SHANK2: variants seen among roughly 807,000 people sequenced by gnomAD.
The protein encoded by SHANK2 is SH3 and multiple ankyrin repeat domains protein 2.
Under a neutral mutation model 133.7 loss-of-function variants are expected in SHANK2, and 43 were observed. That is an observed-to-expected ratio of 0.32 (90% confidence interval 0.25 to 0.41). The LOEUF is 0.41. Among genes scored for constraint, SHANK2 ranks in the 10% least tolerant of loss-of-function variants. SHANK2 has a pLI of 1.00. For missense variants in SHANK2, 1,994 were observed against 2,235.8 expected, an observed-to-expected ratio of 0.89 and a Z score of 2.18; for synonymous variants, 1,017 against 952.8, an observed-to-expected ratio of 1.07 and a Z score of -1.24.
At position 70,486,137 on chromosome 11, in the gene SHANK2, T is replaced by G. The variant is rs1555153291; in HGVS notation, c.4156A>C (p.Ile1386Leu). ...VAVGSMEEAV[I>L]LPFRIPPPPL... Reference sequence around the variant, plus strand: ...GGAGGAGGGATGCGGAATGGCAAAATCACCGCCTCTTCCATGGAGCCCACC... The same window carrying G: ...GGAGGAGGGATGCGGAATGGCAAAAGCACCGCCTCTTCCATGGAGCCCACC... The change falls in exon 25 of 26, where the codon ATT becomes CTT. Residue 1386 changes from isoleucine (I) to leucine (L), a missense_variant. Physicochemically the swap from Ile to Leu is conservative, Grantham distance 5 (BLOSUM62 2). Coordinates refer to ENST00000601538, the MANE Select transcript of SHANK2 (RefSeq NM_012309.5). The surrounding 1 kb of genome is among the most constrained non-coding windows in gnomAD (Gnocchi z 8.0). The G allele has an allele frequency of 6.2e-7, 1 of 1,612,184 alleles. No homozygotes were observed. Among genetic ancestry groups the G allele is most frequent in the East Asian group, 2.2e-5 (1 of 44,858 alleles).
intron 6 of SHANK2, among the ~76,000 whole-genome samples, chr11:71,100,956 G>A (rs1333431242): frequency 1.3e-5 from 2 of 151,984 alleles, no homozygotes; most frequent in Non-Finnish European, 2.9e-5. Flanking sequence ...AGGGATGGAC[G>A]GGTGGAGCAC....
At chr11:71,127,762 T>C (rs1952218300) in intron 3 of SHANK2, among the ~76,000 whole-genome samples, 1 of 152,216 alleles carries the variant, frequency 6.6e-6, no homozygotes, top group Non-Finnish European at 1.5e-5. Context: ...CTCATTTTAT[T>C]GCAAGATTCA....
chr11:71,065,993 A>AG (rs1951051900), intron 9 of SHANK2, among the ~76,000 whole-genome samples: 9 of 7,540 alleles, frequency 1.2e-3, no homozygotes, highest in African/African-American at 3.3e-3. Context: ...TTGGGAGGGG[A>AG]GTACAGAACT....
chr11:71,133,499 T>C (rs1952374001), intron 3 of SHANK2, among the ~76,000 whole-genome samples: 1 of 148,786 alleles, frequency 6.7e-6, no homozygotes, highest in South Asian at 2.1e-4. Flanking sequence ...GACGGACGGA[T>C]GGATGGCAGG....
chr11:70,738,130 C>G (rs935522089), intron 14 of SHANK2, among the ~76,000 whole-genome samples: 1 of 152,264 alleles, frequency 6.6e-6, no homozygotes, highest in African/African-American at 2.4e-5. Flanking sequence ...TGTCCTGACA[C>G]CAAAGCAACC....
chr11:70,516,265 G>GT (rs1554970055), intron 17 of SHANK2, among the ~76,000 whole-genome samples: 1 of 152,198 alleles, frequency 6.6e-6, no homozygotes, highest in Non-Finnish European at 1.5e-5. Flanking sequence ...CGGGGTACTG[G>GT]TGAAAGAACA....
At chr11:70,848,347 G>A (rs1336317821) in intron 11 of SHANK2, among the ~76,000 whole-genome samples, 1 of 152,148 alleles carries the variant, frequency 6.6e-6, no homozygotes, top group African/African-American at 2.4e-5. Context: ...TTTGAAAGAC[G>A]GGCAATGTCA....
intron 21 of SHANK2, among the ~76,000 whole-genome samples, chr11:70,497,745 C>T (rs563665240): frequency 6.6e-6 from 1 of 152,350 alleles, no homozygotes; most frequent in Admixed American, 6.5e-5. Context: ...GCTCTGCATC[C>T]TCAGCAAATC....
At chr11:70,822,013 G>A (rs1229852536) in intron 11 of SHANK2, among the ~76,000 whole-genome samples, 33 of 152,188 alleles carry the variant, frequency 2.2e-4, no homozygotes, top group Admixed American at 1.8e-3. Flanking sequence ...CAGCCACGCC[G>A]CAGCTGCCTT....
chr11:70,709,818 G>C (rs1945740888), intron 14 of SHANK2, among the ~76,000 whole-genome samples: 2 of 152,116 alleles, frequency 1.3e-5, no homozygotes, highest in Admixed American at 1.3e-4. Flanking sequence ...GCTGAGCACA[G>C]AGGCTGGGGA....
intron 14 of SHANK2, among the ~76,000 whole-genome samples, chr11:70,786,588 T>G (rs1245819790): frequency 2.6e-5 from 4 of 152,218 alleles, no homozygotes; most frequent in African/African-American, 9.6e-5. Flanking sequence ...ATGAGAAAGC[T>G]GAGACATACA....
At chr11:70,884,414 G>A (rs1004072757) in intron 11 of SHANK2, among the ~76,000 whole-genome samples, 6 of 152,198 alleles carry the variant, frequency 3.9e-5, no homozygotes, top group African/African-American at 1.2e-4. Flanking sequence ...AATACTCCCC[G>A]AATTTTCCAG....
intron 14 of SHANK2, among the ~76,000 whole-genome samples, chr11:70,699,168 C>T (rs1287413571): frequency 6.6e-6 from 1 of 151,802 alleles, no homozygotes; most frequent in African/African-American, 2.4e-5. Context: ...TCCAGCAAAA[C>T]TGAAAACCTG....
chr11:71,064,410 G>T (rs893408976), intron 9 of SHANK2, among the ~76,000 whole-genome samples: 3 of 152,214 alleles, frequency 2.0e-5, no homozygotes, highest in African/African-American at 4.8e-5. Context: ...CCGGCAAGGG[G>T]CCGGGAGGCA....
intron 14 of SHANK2, among the ~76,000 whole-genome samples, chr11:70,715,315 C>A (rs1299848985): frequency 1.3e-5 from 2 of 152,222 alleles, no homozygotes; most frequent in African/African-American, 2.4e-5. Context: ...CTCTGCCCTG[C>A]TGCCCTCCCG....
intron 25 of SHANK2, among the ~76,000 whole-genome samples, chr11:70,481,610 G>A (rs2058734505): frequency 6.6e-6 from 1 of 152,218 alleles, no homozygotes; most frequent in African/African-American, 2.4e-5. Flanking sequence ...TTACACCACT[G>A]CTTATCTGTC....
intron 17 of SHANK2, among the ~76,000 whole-genome samples, chr11:70,574,222 C>G (rs1334956192): frequency 6.6e-6 from 1 of 152,248 alleles, no homozygotes; most frequent in African/African-American, 2.4e-5. Flanking sequence ...TGGGCCGACA[C>G]AGACTGCGGA....
intron 10 of SHANK2, among the ~76,000 whole-genome samples, chr11:70,905,200 C>T (rs1474671243): frequency 5.9e-5 from 9 of 152,132 alleles, no homozygotes; most frequent in African/African-American, 2.2e-4. Flanking sequence ...TCTGGTTGGT[C>T]CTCGCCACAG....
At chr11:71,216,872 T>A (rs961417619) in intron 2 of SHANK2, among the ~76,000 whole-genome samples, 32 of 152,338 alleles carry the variant, frequency 2.1e-4, no homozygotes, top group African/African-American at 7.2e-4. Flanking sequence ...GCATTTACTA[T>A]ATTTTTTAGA....
Sources: allele counts gnomAD v4.1 joint callset (sites outside exome capture counted in the v4.1 genomes callset), GRCh38; gene constraint gnomAD v4.1.1; non-coding constraint Gnocchi (gnomAD v3.1); transcripts MANE v1.5; gene names NCBI Gene and HGNC (gene_info 2026-07-23, HGNC 2026-07-21).